The following SYNE1 variants were observed in gnomAD, a reference collection of about 807,000 sequenced individuals.
SYNE1 encodes the protein spectrin repeat containing nuclear envelope protein 1.
In SYNE1, 616 loss-of-function variants were observed where a neutral mutation model predicts 1,111.0. The observed-to-expected ratio is 0.55, with a 90% CI of 0.52 to 0.59. The LOEUF is 0.59. Ranked by LOEUF, SYNE1 falls within the 20% of genes least tolerant of loss-of-function variation. The pLI is 0.00. For synonymous variants in SYNE1, 3,855 were observed against 3,825.8 expected (o/e 1.01, Z -0.28); for missense variants, 10,006 against 10,417.0 (o/e 0.96, Z 1.72).
chr6:152,502,804 A>G (rs2099036963), intron 9 of SYNE1, 62 bp from the exon 10 acceptor site: 6 of 1,259,642 alleles, frequency 4.8e-6, no homozygotes, highest in Non-Finnish European at 6.9e-6. Context: ...TTGATAATAC[A>G]AGTTTGGTAT....
intron 51 of SYNE1, among the ~76,000 whole-genome samples, chr6:152,393,805 A>G (rs947401783): frequency 1.3e-5 from 2 of 150,184 alleles, no homozygotes; most frequent in Non-Finnish European, 3.0e-5. Context: ...GAAAATGACT[A>G]TGATCTGAAT....
chr6:152,301,805 A>G (rs1431637030), intron 92 of SYNE1, 64 bp downstream of exon 92: 5 of 1,505,334 alleles, frequency 3.3e-6, no homozygotes, highest in Non-Finnish European at 4.5e-6. Flanking sequence ...CGGAGAGGGA[A>G]CATGGAGCCA....
intron 12 of SYNE1, 59 bp from the exon 13 acceptor site, chr6:152,485,031 A>G: frequency 6.4e-7 from 1 of 1,563,364 alleles, no homozygotes; most frequent in Non-Finnish European, 8.7e-7. Flanking sequence ...AAAGCAAAGG[A>G]AAGCACATTT....
intron 77 of SYNE1, among the ~76,000 whole-genome samples, chr6:152,333,619 G>A (rs1013523525): frequency 5.3e-5 from 8 of 151,936 alleles, no homozygotes; most frequent in African/African-American, 1.7e-4. Flanking sequence ...AACAATAGAT[G>A]TTATACCTAA....
chr6:152,200,224 A>G (rs1273466035), intron 127 of SYNE1, among the ~76,000 whole-genome samples: 1 of 152,136 alleles, frequency 6.6e-6, no homozygotes, highest in East Asian at 1.9e-4. Flanking sequence ...GGCAACCCAG[A>G]TATTTACTGA....
At chr6:152,360,634 T>C (rs917530856) in intron 64 of SYNE1, among the ~76,000 whole-genome samples, 1 of 152,214 alleles carries the variant, frequency 6.6e-6, no homozygotes, top group African/African-American at 2.4e-5. Context: ...TACGCTTGAC[T>C]GTTTTTACTG....
At chr6:152,565,507 C>A (rs897528711) in intron 3 of SYNE1, among the ~76,000 whole-genome samples, 3 of 152,154 alleles carry the variant, frequency 2.0e-5, no homozygotes, top group African/African-American at 4.8e-5. Flanking sequence ...TGCTAAGTGT[C>A]TGACGACCCA....
At chr6:152,279,853 G>T (rs2093923649) in intron 97 of SYNE1, among the ~76,000 whole-genome samples, 2 of 152,080 alleles carry the variant, frequency 1.3e-5, no homozygotes, top group Non-Finnish European at 2.9e-5. Context: ...ATAATTCTGT[G>T]CAGGGTTGAT....
chr6:152,301,657 G>A (rs978586743), intron 92 of SYNE1, among the ~76,000 whole-genome samples: 1 of 152,164 alleles, frequency 6.6e-6, no homozygotes, highest in African/African-American at 2.4e-5. Context: ...CAGCTGTCTC[G>A]AGCACATAGT....
chr6:152,182,409 A>C (rs1412521394), intron 128 of SYNE1, among the ~76,000 whole-genome samples: 1 of 152,132 alleles, frequency 6.6e-6, no homozygotes, highest in Non-Finnish European at 1.5e-5. Context: ...TATTGATTTT[A>C]TTTTACCCCC....
In SYNE1 at chr6:152,502,697, A is replaced by G; in HGVS notation, c.824T>C (p.Val275Ala). 1.2e-6 allele frequency: 2 copies of G among 1,613,964 alleles called. No homozygotes were observed. Among genetic ancestry groups the G allele is most frequent in the Non-Finnish European group, 1.7e-6 (2 of 1,179,916 alleles). ...AGGATAATGTTTCAGAAACTGGGCT[A>G]CATAGGTCATAATAGATTTCTCATC... ...KPDEKSIMTYVAQFLKHYPDI... is the reference protein window; with the variant it reads ...KPDEKSIMTYAAQFLKHYPDI... The change falls in exon 10 of 146, where the codon GTA (valine) becomes GCA (alanine). Residue 275 changes from valine to alanine, a missense_variant. Around this residue, in one of 7 missense-constraint regions of SYNE1, gnomAD observed 1,971 missense variants for 2,084.1 expected, o/e 0.95. Transcript: ENST00000367255.
intron 84 of SYNE1, among the ~76,000 whole-genome samples, chr6:152,320,507 C>T (rs1332355613): frequency 6.6e-6 from 1 of 152,078 alleles, no homozygotes; most frequent in African/African-American, 2.4e-5. Flanking sequence ...TAGCATTAAG[C>T]CACCAAGAGA....
At chr6:152,393,449 T>G in intron 51 of SYNE1, among the ~76,000 whole-genome samples, 1 of 151,796 alleles carries the variant, frequency 6.6e-6, no homozygotes, top group African/African-American at 2.4e-5. Context: ...TTTCAGAAAG[T>G]TATATGGTTG....
chr6:152,248,934 T>G (rs1019441366), intron 105 of SYNE1, among the ~76,000 whole-genome samples: 9 of 152,200 alleles, frequency 5.9e-5, no homozygotes, highest in Middle Eastern at 3.2e-3. Flanking sequence ...GGTCAGCATC[T>G]GCCATGGATA....
chr6:152,380,979 C>A (rs2154115094), intron 56 of SYNE1, 27 bp downstream of exon 56: 1 of 1,604,880 alleles, frequency 6.2e-7, no homozygotes, highest in East Asian at 2.2e-5. Flanking sequence ...AGCATAACCA[C>A]CAATAGAAAA....
chr6:152,130,630 A>T (rs1053622699), intron 145 of SYNE1, 90 bp downstream of exon 145: 3 of 1,351,602 alleles, frequency 2.2e-6, no homozygotes. Context: ...ACCCTGAGGC[A>T]GACCAGATAT....
In SYNE1 at chr6:152,321,517, G is replaced by T. The variant is rs1242338223; in HGVS notation, c.16084-127C>A. ...TAGAAAAATATCTTAATACAACATTGTTCTTTTGTCTCTGAATATAAAGTA... is the reference window on the plus strand; with the variant it reads ...TAGAAAAATATCTTAATACAACATTTTTCTTTTGTCTCTGAATATAAAGTA... On this transcript the variant is annotated intron_variant, in intron 83 of 145. Coordinates refer to ENST00000367255, the MANE Select transcript of SYNE1 (RefSeq NM_182961.4). The T allele has an allele frequency of 6.1e-6, 8 of 1,315,508 alleles. No homozygotes were observed. In the African/African-American group the frequency reaches 1.2e-4, roughly 20 times the overall value. The allele number at this position is 1,315,508 out of a possible 1,614,324, so 81.5% of individuals were successfully genotyped here. A position where few individuals can be genotyped will look rare whatever the true frequency, so the allele number is the denominator to read the frequency against.
At chr6:152,584,067 C>T (rs1455253326) in intron 3 of SYNE1, among the ~76,000 whole-genome samples, 1 of 152,218 alleles carries the variant, frequency 6.6e-6, no homozygotes, top group African/African-American at 2.4e-5. Flanking sequence ...CAAATCCTGG[C>T]ACTGGCACTC....
At chr6:152,392,845 TG>T (rs1367990285) in intron 51 of SYNE1, among the ~76,000 whole-genome samples, 2 of 152,222 alleles carry the variant, frequency 1.3e-5, no homozygotes, top group Non-Finnish European at 2.9e-5. Context: ...AATTGCTTAA[TG>T]CATGATAAAA....
Sources: gnomAD v4.1 joint callset for allele counts (sites outside exome capture counted in the v4.1 genomes callset) on GRCh38, gnomAD v4.1.1 for gene constraint, gnomAD v4.1.1 regional missense constraint, MANE v1.5 for transcripts, NCBI Gene and HGNC (gene_info 2026-07-23, HGNC 2026-07-21) for gene names.